The following RPH3A variants were observed in gnomAD, a reference collection of about 807,000 sequenced individuals.
RPH3A encodes the protein rabphilin-3A.
RPH3A carries 48 observed loss-of-function variants against 102.2 expected under a neutral mutation model. The observed-to-expected ratio is 0.47, with a 90% CI of 0.37 to 0.60. RPH3A has a LOEUF of 0.60. Among genes scored for constraint, RPH3A ranks in the 20% least tolerant of loss-of-function variants. The probability of loss-of-function intolerance (pLI) is 0.00; values close to 1 mark genes in which losing one functional copy is unlikely to be tolerated. For synonymous variants in RPH3A, 310 were observed against 324.3 expected, an observed-to-expected ratio of 0.96 and a Z score of 0.47; for missense variants, 781 against 910.1, an observed-to-expected ratio of 0.86 and a Z score of 1.83.
intron 1 of RPH3A, among the ~76,000 whole-genome samples, chr12:112,760,815 G>T (rs1290933922): frequency 4.6e-5 from 7 of 152,142 alleles, no homozygotes; most frequent in Admixed American, 2.0e-4. Context: ...TCGATAATCA[G>T]TCACGGCTCT....
intron 5 of RPH3A, among the ~76,000 whole-genome samples, chr12:112,860,884 A>T (rs1051134415): frequency 1.3e-5 from 2 of 152,198 alleles, no homozygotes; most frequent in Non-Finnish European, 2.9e-5. Flanking sequence ...TCCCCATGCA[A>T]CTGCCATCCC....
intron 1 of RPH3A, among the ~76,000 whole-genome samples, chr12:112,761,045 G>C (rs1457617318): frequency 6.6e-6 from 1 of 152,044 alleles, no homozygotes; most frequent in Non-Finnish European, 1.5e-5. Flanking sequence ...TTAGAGCTAT[G>C]GGTCTCATGG....
chr12:112,778,323 T>C (rs2040982753), intron 1 of RPH3A, among the ~76,000 whole-genome samples: 1 of 152,228 alleles, frequency 6.6e-6, no homozygotes, highest in Admixed American at 6.5e-5. Context: ...GATGCTTCTT[T>C]AGTTGTTTCT....
chr12:112,664,899 A>G (rs2040073844), intron 1 of RPH3A, among the ~76,000 whole-genome samples: 1 of 150,818 alleles, frequency 6.6e-6, no homozygotes, highest in Non-Finnish European at 1.5e-5. Flanking sequence ...TGTGGCTGGA[A>G]GAGCTGGGGA....
chr12:112,861,186 A>G (rs1295556964), intron 5 of RPH3A, among the ~76,000 whole-genome samples: 1 of 152,238 alleles, frequency 6.6e-6, no homozygotes, highest in African/African-American at 2.4e-5. Flanking sequence ...CATGAAGCAC[A>G]GTTTGACAAC....
intron 14 of RPH3A, among the ~76,000 whole-genome samples, chr12:112,881,090 T>A (rs1046428451): frequency 2.6e-5 from 4 of 152,146 alleles, no homozygotes; most frequent in Admixed American, 6.5e-5. Context: ...ATGGTATAAG[T>A]GCTGTGCAGA....
intron 5 of RPH3A, among the ~76,000 whole-genome samples, chr12:112,862,257 T>C (rs1204298758): frequency 6.6e-6 from 1 of 151,660 alleles, no homozygotes; most frequent in Non-Finnish European, 1.5e-5. Flanking sequence ...AAAAAAAAGT[T>C]AGCCGGGCAT....
rs201666258 is a variant in RPH3A, at chr12:112,622,273, A to G, written c.-140+46954A>G. 6.6e-4 allele frequency among the ~76,000 whole-genome samples: 50 copies of G among 76,178 alleles called. 10 individuals are homozygous for G. The East Asian group carries it at 0.027, about 41-fold the overall frequency. 50.0% of individuals were successfully genotyped at this position (76,178 alleles called of 152,430 possible). Reference sequence around the variant, plus strand: ...TCAAATGACTCTGAGCTACGGGAGGACATTCAAACCAAAGGCAAAGAAGTT... The same window carrying G: ...TCAAATGACTCTGAGCTACGGGAGGGCATTCAAACCAAAGGCAAAGAAGTT... On this transcript the variant is annotated intron_variant, in intron 1 of 21. Coordinates refer to the RPH3A transcript ENST00000543106.
In RPH3A at chr12:112,679,228, A is replaced by G. The variant is rs150582478; in HGVS notation, c.-140+103909A>G. 6.4e-3 allele frequency among the ~76,000 whole-genome samples: 971 copies of G among 151,964 alleles called. 6 individuals carry two copies. The highest frequency in any genetic ancestry group is 0.023 in the African/African-American group (932 of 41,402). On this transcript the variant is annotated intron_variant, in intron 1 of 21. Coordinates refer to the RPH3A transcript ENST00000543106. ...GAGTGCAGTGGCGCAGTCTCGGCTCACTGCAACCTCTGCCTCCTGGGTTCA... is the reference window on the plus strand; with the variant it reads ...GAGTGCAGTGGCGCAGTCTCGGCTCGCTGCAACCTCTGCCTCCTGGGTTCA...
At chr12:112,742,333 T>A (rs1472652723) in intron 1 of RPH3A, among the ~76,000 whole-genome samples, 1 of 152,138 alleles carries the variant, frequency 6.6e-6, no homozygotes, top group Non-Finnish European at 1.5e-5. Context: ...AAATGTTGTA[T>A]ACGAAGTTCA....
At position 112,833,280 on chromosome 12, in the gene RPH3A, G is replaced by A. The variant is rs78044048; in HGVS notation, c.72-3211G>A. On this transcript the variant is annotated intron_variant, in intron 3 of 21. Coordinates refer to ENST00000389385, the MANE Select transcript of RPH3A (RefSeq NM_001143854.2). ...GCTGTACATTTCTTCCCAGCTCTTCGTTTAGTCCCATCATGTTGGCATTTG... is the reference window on the plus strand; with the variant it reads ...GCTGTACATTTCTTCCCAGCTCTTCATTTAGTCCCATCATGTTGGCATTTG... Among the ~76,000 whole-genome samples the A allele has an allele frequency of 2.8e-3, 429 of 152,242 alleles. 3 individuals carry two copies. Among genetic ancestry groups the A allele is most frequent in the Middle Eastern group, 6.8e-3 (2 of 294 alleles).
chr12:112,700,979 C>G (rs1486937374), intron 1 of RPH3A, among the ~76,000 whole-genome samples: 1 of 152,158 alleles, frequency 6.6e-6, no homozygotes, highest in African/African-American at 2.4e-5. Context: ...GACTTCTTCC[C>G]TTCGGTGTCC....
At chr12:112,712,940 T>TTCTTCTTCTTCC (rs2040478804) in intron 1 of RPH3A, among the ~76,000 whole-genome samples, 1 of 115,328 alleles carries the variant, frequency 8.7e-6, no homozygotes, top group African/African-American at 2.9e-5. Context: ...CTTCTTCTTC[T>TTCTTCTTCTTCC]TCTTCTTCTT....
chr12:112,674,741 A>T (rs993592447), intron 1 of RPH3A, among the ~76,000 whole-genome samples: 12 of 152,202 alleles, frequency 7.9e-5, no homozygotes, highest in African/African-American at 2.7e-4. Flanking sequence ...ACATGCCTGT[A>T]GATCAGATAT....
At chr12:112,632,952 G>A (rs2039817599) in intron 1 of RPH3A, among the ~76,000 whole-genome samples, 1 of 152,104 alleles carries the variant, frequency 6.6e-6, no homozygotes, top group African/African-American at 2.4e-5. Flanking sequence ...CAGTACTGTA[G>A]GAGGCCAAGG....
chr12:112,596,867 G>A (rs1346188998), intron 1 of RPH3A, among the ~76,000 whole-genome samples: 2 of 152,166 alleles, frequency 1.3e-5, no homozygotes, highest in Non-Finnish European at 2.9e-5. Flanking sequence ...CTCCATTTAT[G>A]TAAGTTTTCT....
At chr12:112,885,016 T>C (rs922281910) in intron 16 of RPH3A, among the ~76,000 whole-genome samples, 1 of 152,268 alleles carries the variant, frequency 6.6e-6, no homozygotes, top group Non-Finnish European at 1.5e-5. Context: ...ATTTTACATG[T>C]GTATTCATCT....
chr12:112,610,964 C>T (rs2039635328), intron 1 of RPH3A, among the ~76,000 whole-genome samples: 1 of 152,156 alleles, frequency 6.6e-6, no homozygotes, highest in African/African-American at 2.4e-5. Context: ...CATTTACTTT[C>T]TTAGTTACAG....
At chr12:112,668,064 T>C (rs1454855577) in intron 1 of RPH3A, among the ~76,000 whole-genome samples, 1 of 152,190 alleles carries the variant, frequency 6.6e-6, no homozygotes, top group Non-Finnish European at 1.5e-5. Flanking sequence ...TGTTATACAC[T>C]TCCATGGCTT....
Sources: gnomAD v4.1 joint callset for allele counts (sites outside exome capture counted in the v4.1 genomes callset) on GRCh38, gnomAD v4.1.1 for gene constraint, MANE v1.5 for transcripts, NCBI Gene and HGNC (gene_info 2026-07-23, HGNC 2026-07-21) for gene names.